Variants in UBL3 observed in about 807,000 individuals in gnomAD.
UBL3 encodes ubiquitin-like protein 3.
Under a neutral mutation model 18.4 loss-of-function variants are expected in UBL3, and 6 were observed. That is an observed-to-expected ratio of 0.33 (90% CI 0.18 to 0.64). UBL3 has a LOEUF of 0.64. Among genes scored for constraint, UBL3 ranks in the 30% least tolerant of loss-of-function variants. UBL3 has a pLI of 0.76. For synonymous variants in UBL3, 49 were observed against 46.6 expected, an observed-to-expected ratio of 1.05 and a Z score of -0.21; for missense variants, 109 against 142.9, an observed-to-expected ratio of 0.76 and a Z score of 1.21.
rs181854776 is a variant in UBL3, at chr13:29,847,761, C to T, written c.27+1751G>A. 9.3e-4 allele frequency among the ~76,000 whole-genome samples: 142 copies of T among 152,218 alleles called. 1 individual carries two copies. The highest frequency in any genetic ancestry group is 4.5e-3 in the Admixed American group (69 of 15,292). ...GCAAATCTTTGCTCGAGGCGATGAA[C>T]CCACAGATCACTCATCAAACAAGGG... is the stretch of plus-strand genomic sequence containing the variant. On this transcript the variant is annotated intron_variant, in intron 1 of 4. Transcript: ENST00000380680.
chr13:29,778,027 G>A (rs8000887), intron 1 of UBL3, among the ~76,000 whole-genome samples: 139,423 of 152,128 alleles, frequency 0.92, 63,950 homozygotes, highest in East Asian at 0.98. Context: ...TTAGCCTCTC[G>A]AACTGCTGGG....
chr13:29,818,133 C>A (rs1190531277), intron 1 of UBL3, among the ~76,000 whole-genome samples: 1 of 152,132 alleles, frequency 6.6e-6, no homozygotes, highest in Non-Finnish European at 1.5e-5. Flanking sequence ...TTACCCTTAA[C>A]TGCACCAAGC....
chr13:29,804,760 TAACAG>T (rs1026451891), intron 1 of UBL3, among the ~76,000 whole-genome samples: 1 of 152,178 alleles, frequency 6.6e-6, no homozygotes, highest in Non-Finnish European at 1.5e-5. Context: ...AGAAACTGAA[TAACAG>T]AACAGATGTT....
At chr13:29,819,822 C>T (rs921124593) in intron 1 of UBL3, among the ~76,000 whole-genome samples, 3 of 151,260 alleles carry the variant, frequency 2.0e-5, no homozygotes, top group African/African-American at 4.9e-5. Flanking sequence ...GATTCATTAA[C>T]GTCAAAGGGC....
chr13:29,788,780 G>T (rs376726977), intron 1 of UBL3, among the ~76,000 whole-genome samples: 5 of 152,040 alleles, frequency 3.3e-5, no homozygotes, highest in African/African-American at 9.7e-5. Context: ...GTTTGGAAAT[G>T]GGTTAAAAAA....
intron 1 of UBL3, among the ~76,000 whole-genome samples, chr13:29,833,574 T>C (rs141375608): frequency 6.6e-5 from 10 of 152,210 alleles, no homozygotes; most frequent in Non-Finnish European, 5.9e-5. Context: ...TTCCCTAAGA[T>C]AGCTGCATGG....
intron 1 of UBL3, among the ~76,000 whole-genome samples, chr13:29,827,924 C>G (rs542175933): frequency 6.6e-6 from 1 of 152,156 alleles, no homozygotes; most frequent in Non-Finnish European, 1.5e-5. Flanking sequence ...GATTTTATTT[C>G]TTCTTCACTT....
chr13:29,834,018 T>G (rs535251914), intron 1 of UBL3, among the ~76,000 whole-genome samples: 4 of 152,226 alleles, frequency 2.6e-5, no homozygotes, highest in South Asian at 2.1e-4. Context: ...AAACCCCGTC[T>G]GTACTAAGAC....
intron 1 of UBL3, among the ~76,000 whole-genome samples, chr13:29,792,758 C>T (rs1042592320): frequency 3.3e-5 from 5 of 152,126 alleles, no homozygotes; most frequent in Non-Finnish European, 7.3e-5. Flanking sequence ...TTTTAAAATG[C>T]TAATACATAA....
intron 1 of UBL3, among the ~76,000 whole-genome samples, chr13:29,783,240 T>C (rs2139317443): frequency 6.6e-6 from 1 of 152,378 alleles, no homozygotes; most frequent in East Asian, 1.9e-4. Context: ...TTAACATAAA[T>C]GCTATCATTT....
intron 1 of UBL3, among the ~76,000 whole-genome samples, chr13:29,815,510 G>C (rs1260187929): frequency 1.3e-5 from 2 of 152,050 alleles, no homozygotes; most frequent in African/African-American, 2.4e-5. Context: ...AGAAGCCAAG[G>C]AATATGTATA....
chr13:29,835,146 ATAT>A (rs1878918412), intron 1 of UBL3, among the ~76,000 whole-genome samples: 2 of 17,336 alleles, frequency 1.2e-4, no homozygotes, highest in Non-Finnish European at 2.1e-4. Context: ...ATATATATAT[ATAT>A]ATATATATAT....
At chr13:29,838,573 A>G (rs1159481932) in intron 1 of UBL3, among the ~76,000 whole-genome samples, 1 of 152,234 alleles carries the variant, frequency 6.6e-6, no homozygotes, top group African/African-American at 2.4e-5. Context: ...GGCAAAGGCA[A>G]AAATTTATGA....
chr13:29,807,751 G>A (rs1384570778), intron 1 of UBL3, among the ~76,000 whole-genome samples: 1 of 151,998 alleles, frequency 6.6e-6, no homozygotes, highest in Non-Finnish European at 1.5e-5. Context: ...AAGGAATTCT[G>A]AAAAAGAGAA....
chr13:29,771,044 G>A (rs1367280046), intron 3 of UBL3, among the ~76,000 whole-genome samples: 1 of 151,918 alleles, frequency 6.6e-6, no homozygotes, highest in Non-Finnish European at 1.5e-5. Context: ...TTATCTGTTT[G>A]TCCTATGTAA....
chr13:29,779,084 T>TG (rs1172326425), intron 1 of UBL3, among the ~76,000 whole-genome samples: 1 of 152,178 alleles, frequency 6.6e-6, no homozygotes, highest in Non-Finnish European at 1.5e-5. Flanking sequence ...TCCAAAAACT[T>TG]TGAGTTCCAC....
chr13:29,765,021 G>A lies in UBL3; in HGVS notation c.*2234C>T, dbSNP rs1236361828. ...TCATATTGTACAACTATGATATTAG[G>A]TATTAAGCGACGTAATTCTTTCTCT... On this transcript the variant is annotated 3_prime_UTR_variant, in exon 5 of 5. Transcript: ENST00000380680. 1 of 151,778 alleles carries A rather than the reference G, an allele frequency of 6.6e-6. No homozygotes were observed. Among genetic ancestry groups the A allele is most frequent in the Non-Finnish European group, 1.5e-5 (1 of 67,958 alleles). 9.4% of individuals were successfully genotyped at this position (151,778 alleles called of 1,614,324 possible).
At chr13:29,773,183 AC>A (rs1196037933) in intron 2 of UBL3, among the ~76,000 whole-genome samples, 1 of 152,208 alleles carries the variant, frequency 6.6e-6, no homozygotes, top group Non-Finnish European at 1.5e-5. Context: ...GTAACTAGAG[AC>A]TTTTCTTTTG....
rs77367931 is a variant in UBL3 at position 29,800,161 on chromosome 13, C to T, written c.28-22898G>A. On this transcript the variant is annotated intron_variant, in intron 1 of 4. Coordinates refer to ENST00000380680, the MANE Select transcript of UBL3 (RefSeq NM_007106.4). ...AAGTTTTACTTCCGCAAACACCCTG[C>T]GGTCAATTCAAATCAATAAATCACT... is the stretch of plus-strand genomic sequence containing the variant. Among the ~76,000 whole-genome samples the T allele has an allele frequency of 1.2e-4, 18 of 152,292 alleles. No individual in the cohort carries two copies. In the East Asian group the frequency reaches 3.3e-3, roughly 28 times the overall value.
Sources: gnomAD v4.1 joint callset for allele counts (sites outside exome capture counted in the v4.1 genomes callset) on GRCh38, gnomAD v4.1.1 for gene constraint, MANE v1.5 for transcripts, NCBI Gene and HGNC (gene_info 2026-07-23, HGNC 2026-07-21) for gene names.